PPP1R1C: variants seen among roughly 807,000 people sequenced by gnomAD.
The protein encoded by PPP1R1C is protein phosphatase 1 regulatory subunit 1C.
In PPP1R1C, 15 loss-of-function variants were observed where a neutral mutation model predicts 17.4. The observed-to-expected ratio is 0.86, with a 90% CI of 0.58 to 1.33. The LOEUF (loss-of-function observed/expected upper bound fraction) is 1.33, where lower values mean the gene tolerates loss of function less well. Among genes scored for constraint, PPP1R1C ranks in the 40% most tolerant of loss-of-function variants. The probability of loss-of-function intolerance (pLI) is 0.00; values close to 1 mark genes in which losing one functional copy is unlikely to be tolerated. For missense variants in PPP1R1C, 143 were observed against 130.0 expected, an observed-to-expected ratio of 1.10 and a Z score of -0.48; for synonymous variants, 35 against 43.1, an observed-to-expected ratio of 0.81 and a Z score of 0.73.
intron 2 of PPP1R1C, among the ~76,000 whole-genome samples, chr2:182,005,046 C>T (rs904671508): frequency 3.9e-5 from 6 of 152,068 alleles, no homozygotes; most frequent in Non-Finnish European, 7.3e-5. Context: ...GAAGTAATGG[C>T]TCAATAATGG....
At chr2:181,955,248 G>A (rs865851494) in intron 1 of PPP1R1C, among the ~76,000 whole-genome samples, 1 of 152,158 alleles carries the variant, frequency 6.6e-6, no homozygotes, top group African/African-American at 2.4e-5. Context: ...TTAGATTCCT[G>A]TTTTCATCAG....
chr2:181,968,674 G>A (rs898673808), intron 1 of PPP1R1C, among the ~76,000 whole-genome samples: 3 of 152,052 alleles, frequency 2.0e-5, no homozygotes, highest in East Asian at 1.9e-4. Flanking sequence ...TGATTGGAGA[G>A]TTTAGTTCTT....
intron 2 of PPP1R1C, among the ~76,000 whole-genome samples, chr2:182,021,085 T>C (rs909424872): frequency 1.3e-5 from 2 of 152,206 alleles, no homozygotes; most frequent in African/African-American, 4.8e-5. Context: ...TATTGTTGGC[T>C]GGTAACCCCT....
At chr2:181,989,572 A>G (rs987298461) in intron 2 of PPP1R1C, among the ~76,000 whole-genome samples, 2 of 152,052 alleles carry the variant, frequency 1.3e-5, no homozygotes, top group African/African-American at 2.4e-5. Flanking sequence ...AAGTAAATCC[A>G]TTTTCTGGAC....
At chr2:182,029,421 C>A (rs1440912396) in intron 2 of PPP1R1C, among the ~76,000 whole-genome samples, 1 of 152,138 alleles carries the variant, frequency 6.6e-6, no homozygotes, top group East Asian at 1.9e-4. Flanking sequence ...GTGACCAAAT[C>A]TCTCAGCATT....
chr2:182,047,003 A>T (rs1048718902), intron 2 of PPP1R1C, among the ~76,000 whole-genome samples: 1 of 152,200 alleles, frequency 6.6e-6, no homozygotes, highest in Non-Finnish European at 1.5e-5. Flanking sequence ...AGAGAACTAA[A>T]TATTTCAAAT....
intron 4 of PPP1R1C, 149 bp from the exon 5 acceptor site, chr2:182,117,058 A>G (rs1689604796): frequency 1.6e-6 from 1 of 638,066 alleles, no homozygotes; most frequent in African/African-American, 1.9e-5. Context: ...TAAAAGGTTT[A>G]TATAGGATTA....
At chr2:182,128,762 T>C (rs1297942883) in intron 5 of PPP1R1C, among the ~76,000 whole-genome samples, 6 of 152,116 alleles carry the variant, frequency 3.9e-5, no homozygotes, top group African/African-American at 1.4e-4. Flanking sequence ...TTTTTGCTTG[T>C]TGTTTGTTTT....
chr2:182,110,863 G>A (rs889577954), intron 4 of PPP1R1C, among the ~76,000 whole-genome samples: 3 of 151,912 alleles, frequency 2.0e-5, no homozygotes, highest in African/African-American at 7.3e-5. Context: ...TTATGTGTAG[G>A]CTTAAAAATT....
At chr2:182,118,175 C>G (rs1293139711), downstream of PPP1R1C, among the ~76,000 whole-genome samples, 1 of 152,014 alleles carries the variant, frequency 6.6e-6, no homozygotes, top group Non-Finnish European at 1.5e-5. Flanking sequence ...AAACAAATAT[C>G]TTTTATGAGC....
At chr2:182,060,037 T>C (rs972278044) in intron 2 of PPP1R1C, among the ~76,000 whole-genome samples, 2 of 152,094 alleles carry the variant, frequency 1.3e-5, no homozygotes, top group East Asian at 3.8e-4. Context: ...CAAAAAATAG[T>C]GCACATTGAT....
chr2:181,989,655 CT>C (rs199604973), intron 2 of PPP1R1C, among the ~76,000 whole-genome samples: 6 of 151,330 alleles, frequency 4.0e-5, no homozygotes, highest in South Asian at 2.1e-4. Flanking sequence ...CTCTAGAAAC[CT>C]TTTTTTTTGT....
chr2:182,024,327 A>T (rs908252140), intron 2 of PPP1R1C, among the ~76,000 whole-genome samples: 6 of 152,338 alleles, frequency 3.9e-5, no homozygotes, highest in Admixed American at 2.0e-4. Context: ...AAATATAAGA[A>T]TTAGAACCAA....
chr2:182,050,105 T>A (rs1045187054), intron 2 of PPP1R1C, among the ~76,000 whole-genome samples: 3 of 152,216 alleles, frequency 2.0e-5, no homozygotes, highest in Non-Finnish European at 4.4e-5. Context: ...ATTTTTATAG[T>A]TCTGTTAAAC....
At chr2:182,035,295 C>T (rs1056386295) in intron 2 of PPP1R1C, among the ~76,000 whole-genome samples, 1 of 152,114 alleles carries the variant, frequency 6.6e-6, no homozygotes, top group Non-Finnish European at 1.5e-5. Context: ...CATTCAAATG[C>T]CTAAGTAAAA....
intron 2 of PPP1R1C, among the ~76,000 whole-genome samples, chr2:182,037,157 T>G (rs1230952195): frequency 6.6e-6 from 1 of 152,284 alleles, no homozygotes; most frequent in East Asian, 1.9e-4. Flanking sequence ...GCCAGAATAT[T>G]AGATTAAAAA....
intron 2 of PPP1R1C, among the ~76,000 whole-genome samples, chr2:182,029,257 G>T (rs1472300258): frequency 3.3e-5 from 5 of 151,288 alleles, no homozygotes; most frequent in Admixed American, 3.3e-4. Context: ...CTGTCATTAT[G>T]ATGTTAGCTG....
At chr2:182,123,419 A>G (rs1019618912) in intron 5 of PPP1R1C, among the ~76,000 whole-genome samples, 3 of 152,176 alleles carry the variant, frequency 2.0e-5, no homozygotes, top group African/African-American at 7.2e-5. Context: ...ATCCTTGAGA[A>G]ATCTCCACAC....
intron 2 of PPP1R1C, among the ~76,000 whole-genome samples, chr2:182,040,156 T>C (rs556955677): frequency 6.6e-6 from 1 of 152,338 alleles, no homozygotes; most frequent in South Asian, 2.1e-4. Context: ...TCTTTTCCTT[T>C]GGGTAGATAC....
Sources: allele counts gnomAD v4.1 joint callset (sites outside exome capture counted in the v4.1 genomes callset), GRCh38; gene constraint gnomAD v4.1.1; transcripts MANE v1.5; gene names NCBI Gene and HGNC (gene_info 2026-07-23, HGNC 2026-07-21).